Variants in COL11A1 observed in about 807,000 individuals in gnomAD.
COL11A1 encodes collagen type XI alpha 1 chain.
Under a neutral mutation model 265.2 loss-of-function variants are expected in COL11A1, and 74 were observed. That is an observed-to-expected ratio of 0.28 (90% confidence interval 0.23 to 0.34). COL11A1 has a LOEUF of 0.34. COL11A1 is among the 10% of genes least tolerant of loss of function. The pLI, the probability that COL11A1 is intolerant of heterozygous loss-of-function variation, is 1.00. For missense variants in COL11A1, 2,165 were observed against 2,263.6 expected (o/e 0.96, Z 0.88); for synonymous variants, 816 against 727.6 (o/e 1.12, Z -1.96).
intron 54 of COL11A1, among the ~76,000 whole-genome samples, chr1:102,910,921 A>G (rs1243824000): frequency 6.6e-6 from 1 of 152,180 alleles, no homozygotes; most frequent in Non-Finnish European, 1.5e-5. Flanking sequence ...AAGTATTTCA[A>G]CTCATTCTCA....
intron 4 of COL11A1, among the ~76,000 whole-genome samples, chr1:103,046,938 G>T (rs1299154502): frequency 6.6e-6 from 1 of 152,108 alleles, no homozygotes; most frequent in African/African-American, 2.4e-5. Flanking sequence ...TTATTTCTGA[G>T]GGCTCTGTTC....
intron 64 of COL11A1, among the ~76,000 whole-genome samples, chr1:102,882,276 C>T (rs986067342): frequency 6.6e-6 from 1 of 152,174 alleles, no homozygotes. Flanking sequence ...TATAGATCTG[C>T]ATTTATTGTT....
chr1:102,923,265 T>C (rs369367958), intron 47 of COL11A1, 71 bp downstream of exon 47: 1 of 1,236,692 alleles, frequency 8.1e-7, no homozygotes, highest in South Asian at 1.3e-5. Context: ...AAAGAACACA[T>C]AATACTTTAC....
At chr1:103,040,585 A>T (rs1431082128) in intron 4 of COL11A1, among the ~76,000 whole-genome samples, 2 of 151,612 alleles carry the variant, frequency 1.3e-5, no homozygotes, top group African/African-American at 4.8e-5. Context: ...AACATTTAAA[A>T]TGTTACCACA....
intron 35 of COL11A1, among the ~76,000 whole-genome samples, chr1:102,977,452 T>C (rs1051936154): frequency 2.0e-4 from 31 of 152,286 alleles, no homozygotes; most frequent in African/African-American, 7.2e-4. Context: ...ATCATACTGT[T>C]GGATGACAGT....
At chr1:102,936,425 G>C (rs2101240586) in intron 44 of COL11A1, among the ~76,000 whole-genome samples, 1 of 152,200 alleles carries the variant, frequency 6.6e-6, no homozygotes, top group Middle Eastern at 3.4e-3. Context: ...AATAATAAGT[G>C]TGATTATAAA....
At chr1:103,031,714 T>C (rs1460343701) in intron 4 of COL11A1, among the ~76,000 whole-genome samples, 1 of 152,002 alleles carries the variant, frequency 6.6e-6, no homozygotes, top group Non-Finnish European at 1.5e-5. Context: ...AGTAAATATA[T>C]AGATCCAACT....
At chr1:103,026,496 A>G (rs1271761356) in intron 5 of COL11A1, among the ~76,000 whole-genome samples, 164 bp from the exon 6 acceptor site, 3 of 152,226 alleles carry the variant, frequency 2.0e-5, no homozygotes, top group Non-Finnish European at 1.5e-5. Flanking sequence ...ATACTGTCTT[A>G]TACAGAGTAT....
chr1:102,962,006 G>A, intron 40 of COL11A1, 87 bp from the exon 41 acceptor site: 2 of 1,240,840 alleles, frequency 1.6e-6, no homozygotes, highest in South Asian at 1.3e-5. Flanking sequence ...AAATAAGGAT[G>A]TCAGGTAATG....
chr1:102,974,999 C>G, intron 35 of COL11A1, 116 bp from the exon 36 acceptor site: 1 of 777,518 alleles, frequency 1.3e-6, no homozygotes. Context: ...TTCTTCATCA[C>G]AGTGACAGAA....
At chr1:103,065,731 A>T (rs1671088291) in intron 4 of COL11A1, among the ~76,000 whole-genome samples, 1 of 150,766 alleles carries the variant, frequency 6.6e-6, no homozygotes, top group East Asian at 1.9e-4. Flanking sequence ...AATATTTAGC[A>T]GCAAAGTAGA....
chr1:103,087,355 T>C (rs1240481141), intron 1 of COL11A1, among the ~76,000 whole-genome samples: 1 of 152,214 alleles, frequency 6.6e-6, no homozygotes, highest in Non-Finnish European at 1.5e-5. Context: ...TCCATACTTT[T>C]TCCCATCAAT....
intron 52 of COL11A1, among the ~76,000 whole-genome samples, chr1:102,914,015 T>C (rs1394906453): frequency 6.6e-6 from 1 of 152,148 alleles, no homozygotes; most frequent in Non-Finnish European, 1.5e-5. Context: ...AAATAGGATT[T>C]GCATTATAGA....
chr1:103,012,361 A>T lies in COL11A1; in HGVS notation c.1629+52T>A, dbSNP rs140578871. 6.3e-3 allele frequency: 8,666 copies of T among 1,371,264 alleles called. 35 individuals carry two copies. Among genetic ancestry groups the T allele is most frequent in the Non-Finnish European group, 7.7e-3 (7,406 of 961,494 alleles). The allele number at this position is 1,371,264 out of a possible 1,614,324, so 84.9% of individuals were successfully genotyped here. The stretch of plus-strand genomic sequence containing the variant: ...AATCCCTGGAAGAAGTTGCACAGGG[A>T]ACTGCTAATTTGAAAATTTTAACAT... On this transcript the variant is annotated intron_variant, in intron 14 of 66. Coordinates refer to ENST00000370096, the MANE Select transcript of COL11A1 (RefSeq NM_001854.4).
chr1:103,108,025 G>C (rs1321113883), intron 1 of COL11A1, 48 bp downstream of exon 1: 2 of 1,385,018 alleles, frequency 1.4e-6, no homozygotes, highest in Non-Finnish European at 2.1e-6. Context: ...CGCAGAAGCA[G>C]TAGGACCGAC....
intron 58 of COL11A1, 62 bp from the exon 59 acceptor site, chr1:102,889,624 T>C: frequency 8.4e-7 from 1 of 1,195,160 alleles, no homozygotes. Flanking sequence ...AAATTTTAGT[T>C]ATAAAATATT....
chr1:103,006,438 A>T (rs1665620049), intron 15 of COL11A1, 123 bp from the exon 16 acceptor site: 1 of 574,862 alleles, frequency 1.7e-6, no homozygotes, highest in South Asian at 4.1e-5. Context: ...ATTCAAACAC[A>T]AGAAAATTAT....
chr1:103,059,266 C>A (rs1056114444), intron 4 of COL11A1, among the ~76,000 whole-genome samples: 15 of 152,284 alleles, frequency 9.9e-5, no homozygotes, highest in Middle Eastern at 6.8e-3. Flanking sequence ...CTTCAGCCAT[C>A]CTGTTCCACC....
intron 46 of COL11A1, among the ~76,000 whole-genome samples, chr1:102,929,542 T>A (rs1192959239): frequency 6.6e-6 from 1 of 152,050 alleles, no homozygotes; most frequent in Non-Finnish European, 1.5e-5. Context: ...TCCAGCTTTG[T>A]TTTTTTGGCT....
Sources: allele counts gnomAD v4.1 joint callset (sites outside exome capture counted in the v4.1 genomes callset), GRCh38; gene constraint gnomAD v4.1.1; transcripts MANE v1.5; gene names NCBI Gene and HGNC (gene_info 2026-07-23, HGNC 2026-07-21).